ZDHHC24: variants seen among roughly 807,000 people sequenced by gnomAD.
ZDHHC24 encodes zDHHC palmitoyltransferase 24.
A neutral mutation model predicts 23.2 loss-of-function variants in ZDHHC24; 17 were observed. The ratio of observed to expected loss-of-function variants is 0.73; its 90% CI spans 0.50 to 1.10. The LOEUF (loss-of-function observed/expected upper bound fraction) is 1.10. Among genes scored for constraint, ZDHHC24 ranks in the 50% least tolerant of loss-of-function variants. ZDHHC24 has a pLI of 0.00. For synonymous variants in ZDHHC24, 186 were observed against 194.5 expected (o/e 0.96, Z 0.36); for missense variants, 366 against 393.0 (o/e 0.93, Z 0.58).
chr11:66,545,973 C>A lies in ZDHHC24; in HGVS notation c.31G>T (p.Asp11Tyr). 1 of 1,422,234 alleles carries A rather than the reference C, an allele frequency of 7.0e-7. No homozygotes were observed. The highest frequency in any genetic ancestry group is 9.1e-7 in the Non-Finnish European group (1 of 1,102,494). The allele number at this position is 1,422,234 out of a possible 1,614,324, so 88.1% of individuals were successfully genotyped here. MGQPWAAGSTDGAPAQLPLVL... is the reference protein window; with the variant it reads MGQPWAAGSTYGAPAQLPLVL... ...AGAGGCAGCTGCGCGGGCGCCCCGT[C>A]CGTGCTCCCAGCCGCCCAGGGCTGC... The change falls in exon 1 of 3, where the codon GAC becomes TAC. Residue 11 changes from aspartate (D) to tyrosine (Y), a missense_variant. Transcript: ENST00000310442. This position sits in a 1 kb window ranked among gnomAD's most constrained non-coding sequence, Gnocchi z 4.5.
chr11:66,529,617 G>A, intron 2 of ZDHHC24: 1 of 705,530 alleles, frequency 1.4e-6, no homozygotes. Flanking sequence ...GTAAGAGAGT[G>A]AGAAGAGGCA....
rs1856998693 is a variant in ZDHHC24 at position 66,537,319 on chromosome 11, G to A, written c.*2210C>T. 6.6e-6 allele frequency: 1 copy of A among 151,904 alleles called. No individual in the cohort carries two copies. The highest frequency in any genetic ancestry group is 2.4e-5 in the African/African-American group (1 of 41,396). 9.4% of individuals were successfully genotyped at this position (151,904 alleles called of 1,614,324 possible). A position where few individuals can be genotyped will look rare whatever the true frequency, so the allele number is the denominator to read the frequency against. ...GCTGCTGGCTGCATGATGTGGGTGG[G>A]GTGTGGGTGGGATGTGGGGGAGCGG... On this transcript the variant is annotated 3_prime_UTR_variant, in exon 3 of 3. Coordinates refer to ENST00000310442, the MANE Select transcript of ZDHHC24 (RefSeq NM_207340.3).
chr11:66,535,231 CAG>C (rs1466647150), downstream of ZDHHC24, among the ~76,000 whole-genome samples: 2 of 151,472 alleles, frequency 1.3e-5, no homozygotes, highest in East Asian at 3.9e-4. Context: ...TTTTTTGAGA[CAG>C]AGTCTAGCTC....
rs3816492 is a variant in ZDHHC24 at position 66,529,892 on chromosome 11, C to T, written c.560-404G>A. On this transcript the variant is annotated intron_variant, in intron 2 of 4. Coordinates refer to the ZDHHC24 transcript ENST00000526986. ...CTGCCCGCGCCTACCTGCAGGCCCT[C>T]GAGTCCAGCCTGAGCCCCCTGTCCA... The T allele has an allele frequency of 0.22, 359,763 of 1,607,944 alleles. 43,430 individuals carry two copies. The highest frequency in any genetic ancestry group is 0.24 in the Non-Finnish European group (283,003 of 1,179,734).
chr11:66,531,151 G>A, downstream of ZDHHC24: 1 of 1,376,032 alleles, frequency 7.3e-7, no homozygotes, highest in Non-Finnish European at 1.0e-6. Flanking sequence ...GTGGCCAGCA[G>A]ACCTACTCTC....
chr11:66,527,025 G>T, intron 3 of ZDHHC24: 1 of 1,536,296 alleles, frequency 6.5e-7, no homozygotes, highest in Non-Finnish European at 8.7e-7. Context: ...GACAGCAAGA[G>T]CCCTTAGAAT....
In ZDHHC24 at chr11:66,521,257, T is replaced by G. The variant is rs768884336; in HGVS notation, c.*231A>C. 3.7e-6 allele frequency: 6 copies of G among 1,609,542 alleles called. No homozygotes were observed. In the South Asian group the frequency reaches 6.6e-5, roughly 18 times the overall value. ...TCCAGAGAAATTGGAGTGTTTGCGC[T>G]TCTTGTTTGCAGATGAGCCTTCCCA... On this transcript the variant is annotated 3_prime_UTR_variant, in exon 5 of 5. Transcript: ENST00000526986.
At chr11:66,529,803 G>C (rs766386034) in intron 2 of ZDHHC24, 1 of 1,610,182 alleles carries the variant, frequency 6.2e-7, no homozygotes, top group South Asian at 1.1e-5. Context: ...TCAGCCTCTG[G>C]GACCCTTCTC....
intron 3 of ZDHHC24, chr11:66,527,120 T>A: frequency 1.8e-6 from 2 of 1,094,454 alleles, no homozygotes; most frequent in Non-Finnish European, 2.7e-6. Flanking sequence ...CTCACGCCTG[T>A]AATCCCAACA....
Position 66,539,331 on chromosome 11 carries a change from C to G in ZDHHC24, c.*198G>C. The G allele has an allele frequency of 7.8e-7, 1 of 1,283,570 alleles. No individual in the cohort carries two copies. 79.5% of individuals were successfully genotyped at this position (1,283,570 alleles called of 1,614,324 possible). On this transcript the variant is annotated 3_prime_UTR_variant, in exon 3 of 3. Coordinates refer to ENST00000310442, the MANE Select transcript of ZDHHC24 (RefSeq NM_207340.3). Reference sequence around the variant, plus strand: ...CGGCCTGAGCAGCCCCTGCCAGACCCTCCTCTGCACTCCTCTGCCTAAGTC... The same window carrying G: ...CGGCCTGAGCAGCCCCTGCCAGACCGTCCTCTGCACTCCTCTGCCTAAGTC...
Position 66,529,857 on chromosome 11 carries a change from C to T in ZDHHC24, c.560-369G>A, listed in dbSNP as rs745460551. On this transcript the variant is annotated intron_variant, in intron 2 of 4. Transcript: ENST00000526986. ...CTTCCAGACAGACCTATACCTGCTGCGCCTACGTGCTGCCCGCGCCTACCT... is the reference window on the plus strand; with the variant it reads ...CTTCCAGACAGACCTATACCTGCTGTGCCTACGTGCTGCCCGCGCCTACCT... 4.0e-5 allele frequency: 65 copies of T among 1,610,798 alleles called. 2 individuals carry two copies. In the South Asian group the frequency reaches 5.3e-4, roughly 13 times the overall value.
At chr11:66,522,410 C>T (rs918007314) in intron 4 of ZDHHC24, among the ~76,000 whole-genome samples, 1 of 150,662 alleles carries the variant, frequency 6.6e-6, no homozygotes, top group African/African-American at 2.4e-5. Context: ...TGCAGTGGCA[C>T]GATCTCGGCT....
At chr11:66,522,955 T>C (rs1304208955) in intron 4 of ZDHHC24, 1 of 359,622 alleles carries the variant, frequency 2.8e-6, no homozygotes, top group African/African-American at 2.1e-5. Context: ...GTAGGCCAAC[T>C]CAAAGTGGGA....
chr11:66,541,725 G>A (rs1203745227), intron 2 of ZDHHC24, among the ~76,000 whole-genome samples: 1 of 152,276 alleles, frequency 6.6e-6, no homozygotes, highest in Admixed American at 6.5e-5. Flanking sequence ...GATGCCAGGC[G>A]GAGAACGCTT....
Position 66,539,630 on chromosome 11 carries a change from G to T in ZDHHC24, c.754C>A (p.Arg252Ser). ...GGCCAGAGCCAGACGAGGGCCCAGCGGGGCCCCAGGGCTGCCTGCAGGTTG... is the reference window on the plus strand; with the variant it reads ...GGCCAGAGCCAGACGAGGGCCCAGCTGGGCCCCAGGGCTGCCTGCAGGTTG... Reference protein sequence around the residue: ...CHNLQAALGPRWALVWLWPFL... With the variant: ...CHNLQAALGPSWALVWLWPFL... Residue 252 changes from arginine to serine, a missense_variant, in exon 3 of 3, where the codon CGC becomes AGC. Physicochemically the swap from Arg to Ser is moderately radical, Grantham distance 110. Transcript: ENST00000310442. 1 of 1,612,498 alleles carries T rather than the reference G, an allele frequency of 6.2e-7. No homozygotes were observed. The highest frequency in any genetic ancestry group is 8.5e-7 in the Non-Finnish European group (1 of 1,179,618).
intron 2 of ZDHHC24, among the ~76,000 whole-genome samples, chr11:66,530,545 C>T (rs1376470254): frequency 1.3e-5 from 2 of 151,972 alleles, no homozygotes; most frequent in Non-Finnish European, 2.9e-5. Flanking sequence ...GAAGAGGCTA[C>T]AAGGCAACTC....
At chr11:66,533,920 G>A (rs1856877078), downstream of ZDHHC24, among the ~76,000 whole-genome samples, 1 of 152,250 alleles carries the variant, frequency 6.6e-6, no homozygotes, top group Non-Finnish European at 1.5e-5. Flanking sequence ...TGTAATCCCA[G>A]CACTTTGGGA....
chr11:66,520,876 G>A (rs553733613), downstream of ZDHHC24: 9 of 320,302 alleles, frequency 2.8e-5, no homozygotes, highest in Non-Finnish European at 4.9e-5. Context: ...GGACCACCAC[G>A]CCCAGCTAAG....
rs976342546 is a variant in ZDHHC24 at position 66,539,111 on chromosome 11, AC to A, written c.*417del. On this transcript the variant is annotated 3_prime_UTR_variant, in exon 3 of 3. Transcript: ENST00000310442. ...CACTGCCTTGGCGTGCTGGTGCCCC[AC>A]CCCCAACTCACCCAGGCCAGGGGAG... 23 of 430,290 alleles carry A rather than the reference AC, an allele frequency of 5.3e-5. No individual in the cohort carries two copies. The highest frequency in any genetic ancestry group is 6.3e-5 in the Non-Finnish European group (20 of 319,776). 26.7% of individuals were successfully genotyped at this position (430,290 alleles called of 1,614,324 possible).
Sources: gnomAD v4.1 joint callset for allele counts (sites outside exome capture counted in the v4.1 genomes callset) on GRCh38, gnomAD v4.1.1 for gene constraint, Gnocchi (gnomAD v3.1) non-coding constraint, MANE v1.5 for transcripts, NCBI Gene and HGNC (gene_info 2026-07-23, HGNC 2026-07-21) for gene names.